The following RIT2 variants were observed in gnomAD, a reference collection of about 807,000 sequenced individuals.
RIT2 encodes GTP-binding protein Rit2.
Under a neutral mutation model 23.7 loss-of-function variants are expected in RIT2, and 24 were observed. That is an observed-to-expected ratio of 1.01 (90% confidence interval 0.73 to 1.43). The LOEUF (loss-of-function observed/expected upper bound fraction) is 1.43. Among genes scored for constraint, RIT2 ranks in the 40% most tolerant of loss-of-function variants. RIT2 has a pLI of 0.00. For synonymous variants in RIT2, 107 were observed against 91.1 expected (o/e 1.17, Z -0.99); for missense variants, 236 against 266.9 (o/e 0.88, Z 0.81).
At chr18:42,920,701 T>C in intron 4 of RIT2, 1 of 1,591,764 alleles carries the variant, frequency 6.3e-7, no homozygotes, top group Non-Finnish European at 8.5e-7. Flanking sequence ...TCTTACCAAA[T>C]ATGAAAAGAA....
chr18:43,035,015 C>T (rs557771973), intron 1 of RIT2, among the ~76,000 whole-genome samples: 1 of 152,270 alleles, frequency 6.6e-6, no homozygotes, highest in South Asian at 2.1e-4. Context: ...GGAAATAGTT[C>T]CTGGATTAAA....
intron 4 of RIT2, among the ~76,000 whole-genome samples, chr18:42,904,357 G>A (rs1908555970): frequency 1.3e-5 from 2 of 152,142 alleles, no homozygotes; most frequent in Non-Finnish European, 2.9e-5. Context: ...TGCCGGCCAT[G>A]ACACTGGAAT....
At chr18:42,854,676 C>G (rs1372834848) in intron 4 of RIT2, among the ~76,000 whole-genome samples, 1 of 152,172 alleles carries the variant, frequency 6.6e-6, no homozygotes, top group East Asian at 1.9e-4. Context: ...TAAAAACAAA[C>G]AGCTAAAGTA....
At chr18:42,927,578 A>G (rs185939384) in intron 3 of RIT2, among the ~76,000 whole-genome samples, 3 of 151,978 alleles carry the variant, frequency 2.0e-5, no homozygotes, top group East Asian at 3.9e-4. Context: ...AGATCCCTAT[A>G]CTTTCTGTTT....
intron 4 of RIT2, among the ~76,000 whole-genome samples, chr18:42,913,425 C>T (rs930650456): frequency 2.6e-5 from 4 of 151,636 alleles, no homozygotes; most frequent in Non-Finnish European, 5.9e-5. Context: ...TGTAAAAGAT[C>T]CCATTAAAAG....
chr18:42,788,708 A>C (rs1913975790), intron 4 of RIT2, among the ~76,000 whole-genome samples: 1 of 152,190 alleles, frequency 6.6e-6, no homozygotes, highest in Non-Finnish European at 1.5e-5. Context: ...GTTTGATGAT[A>C]CTGTCATTTA....
At chr18:42,779,034 A>G (rs1308065934) in intron 4 of RIT2, among the ~76,000 whole-genome samples, 2 of 152,216 alleles carry the variant, frequency 1.3e-5, no homozygotes, top group African/African-American at 4.8e-5. Flanking sequence ...TATAAAAATC[A>G]GAAGTTTGAC....
At chr18:42,762,126 A>T (rs1367406300) in intron 4 of RIT2, among the ~76,000 whole-genome samples, 1 of 152,190 alleles carries the variant, frequency 6.6e-6, no homozygotes, top group Non-Finnish European at 1.5e-5. Flanking sequence ...GAGGAAAATA[A>T]TTCTCTGTGA....
intron 2 of RIT2, among the ~76,000 whole-genome samples, chr18:43,005,082 T>G (rs566025826): frequency 4.6e-5 from 7 of 151,972 alleles, no homozygotes; most frequent in African/African-American, 1.7e-4. Flanking sequence ...ACTTGGAGAT[T>G]ATGACATATA....
At chr18:42,861,943 G>A (rs1032929868) in intron 4 of RIT2, among the ~76,000 whole-genome samples, 2 of 152,108 alleles carry the variant, frequency 1.3e-5, no homozygotes, top group African/African-American at 4.8e-5. Flanking sequence ...AGATCTCTCT[G>A]TATTGCAACT....
intron 4 of RIT2, among the ~76,000 whole-genome samples, chr18:42,839,358 A>T (rs571206406): frequency 6.6e-6 from 1 of 152,302 alleles, no homozygotes; most frequent in Non-Finnish European, 1.5e-5. Context: ...ACTTTGCTGA[A>T]ATGAGAGGTA....
chr18:42,981,645 C>A (rs1910601205), intron 2 of RIT2, among the ~76,000 whole-genome samples: 1 of 150,722 alleles, frequency 6.6e-6, no homozygotes, highest in Admixed American at 6.6e-5. Flanking sequence ...ATCAAAATTC[C>A]AGAAATAGAA....
chr18:43,034,580 G>A (rs1444856322), intron 1 of RIT2, among the ~76,000 whole-genome samples: 1 of 152,092 alleles, frequency 6.6e-6, no homozygotes, highest in African/African-American at 2.4e-5. Flanking sequence ...TAAAAATAGT[G>A]TATAATAGCT....
intron 4 of RIT2, among the ~76,000 whole-genome samples, chr18:42,861,261 A>G (rs1168647121): frequency 6.6e-6 from 1 of 152,182 alleles, no homozygotes; most frequent in East Asian, 1.9e-4. Flanking sequence ...GTAATGAGGA[A>G]AGAGTTTGAC....
At chr18:43,062,092 T>C (rs1205077347) in intron 1 of RIT2, among the ~76,000 whole-genome samples, 1 of 151,952 alleles carries the variant, frequency 6.6e-6, no homozygotes, top group East Asian at 1.9e-4. Flanking sequence ...GAAGCGAAGC[T>C]CCTGGCACTA....
At chr18:43,103,437 T>C (rs1256645692) in intron 1 of RIT2, among the ~76,000 whole-genome samples, 1 of 152,182 alleles carries the variant, frequency 6.6e-6, no homozygotes, top group Admixed American at 6.5e-5. Flanking sequence ...ACAAATTAAA[T>C]ACAAATTCAA....
At chr18:43,095,881 G>T (rs562366011) in intron 1 of RIT2, among the ~76,000 whole-genome samples, 18 of 151,940 alleles carry the variant, frequency 1.2e-4, no homozygotes, top group Non-Finnish European at 2.5e-4. Flanking sequence ...TAATATTAAA[G>T]GTGGGGAATA....
intron 4 of RIT2, among the ~76,000 whole-genome samples, chr18:42,895,253 C>A (rs1471535487): frequency 6.6e-6 from 1 of 151,824 alleles, no homozygotes; most frequent in East Asian, 1.9e-4. Flanking sequence ...TCAATTATAA[C>A]CTTTGCACAG....
At chr18:42,851,421 A>C (rs1907051463) in intron 4 of RIT2, among the ~76,000 whole-genome samples, 1 of 150,920 alleles carries the variant, frequency 6.6e-6, no homozygotes, top group Non-Finnish European at 1.5e-5. Context: ...AGCAACAAAC[A>C]CAGAAAAATG....
Sources: allele counts gnomAD v4.1 joint callset (sites outside exome capture counted in the v4.1 genomes callset), GRCh38; gene constraint gnomAD v4.1.1; transcripts MANE v1.5; gene names NCBI Gene and HGNC (gene_info 2026-07-23, HGNC 2026-07-21).